DMTF1: variants seen among roughly 807,000 people sequenced by gnomAD.
DMTF1 encodes the protein cyclin-D-binding Myb-like transcription factor 1.
Under a neutral mutation model 91.1 loss-of-function variants are expected in DMTF1, and 39 were observed. That is an observed-to-expected ratio of 0.43 (90% CI 0.33 to 0.56). The LOEUF is 0.56. Ranked by LOEUF, DMTF1 falls within the 20% of genes least tolerant of loss-of-function variation. The pLI, the probability that DMTF1 is intolerant of heterozygous loss-of-function variation, is 0.05. For missense variants in DMTF1, 750 were observed against 914.5 expected, an observed-to-expected ratio of 0.82 and a Z score of 2.32; for synonymous variants, 338 against 309.5, an observed-to-expected ratio of 1.09 and a Z score of -0.97.
chr7:87,164,914 T>A lies in DMTF1; in HGVS notation c.-8-20T>A. The stretch of plus-strand genomic sequence containing the variant: ...GGGAATAATTTTTGAAATCCTGATC[T>A]GGAATCTGTTCTTGTACAGATTTGA... On this transcript the variant is annotated intron_variant, in intron 2 of 17. Coordinates refer to ENST00000331242, the MANE Select transcript of DMTF1 (RefSeq NM_001142327.2). 1 of 1,455,994 alleles carries A rather than the reference T, an allele frequency of 6.9e-7. No homozygotes were observed. Among genetic ancestry groups the A allele is most frequent in the Non-Finnish European group, 9.4e-7 (1 of 1,064,696 alleles). 90.2% of individuals were successfully genotyped at this position (1,455,994 alleles called of 1,614,324 possible).
chr7:87,162,472 A>G (rs1052363025), intron 1 of DMTF1, among the ~76,000 whole-genome samples: 9 of 152,212 alleles, frequency 5.9e-5, no homozygotes, highest in Non-Finnish European at 8.8e-5. Context: ...ACAATACACT[A>G]TAATCACAGA....
At chr7:87,193,418 C>T in intron 15 of DMTF1, 65 bp downstream of exon 15, 1 of 1,525,956 alleles carries the variant, frequency 6.6e-7, no homozygotes. Context: ...TGATAAGGAC[C>T]AAAATAGAAG....
chr7:87,174,442 T>C lies in DMTF1; in HGVS notation c.443-151T>C, dbSNP rs1292542454. On this transcript the variant is annotated intron_variant, in intron 6 of 17. Coordinates refer to ENST00000331242, the MANE Select transcript of DMTF1 (RefSeq NM_001142327.2). ...AAACCAGAAGTTACAAAAGCAAGTT[T>C]ACCTAGAGACCTTTCAGATTTCAGA... The C allele has an allele frequency of 1.3e-5, 7 of 556,662 alleles. No individual in the cohort carries two copies. In the East Asian group the frequency reaches 2.1e-4, roughly 17 times the overall value. 34.5% of individuals were successfully genotyped at this position (556,662 alleles called of 1,614,324 possible). A position where few individuals can be genotyped will look rare whatever the true frequency, so the allele number is the denominator to read the frequency against.
intron 1 of DMTF1, among the ~76,000 whole-genome samples, chr7:87,161,911 A>G (rs1792531436): frequency 6.6e-6 from 1 of 152,242 alleles, no homozygotes; most frequent in African/African-American, 2.4e-5. Context: ...ATATTGCAGT[A>G]TGATTGAAAA....
At chr7:87,167,309 A>G (rs1794053348) in intron 4 of DMTF1, among the ~76,000 whole-genome samples, 2 of 152,202 alleles carry the variant, frequency 1.3e-5, no homozygotes, top group Admixed American at 1.3e-4. Flanking sequence ...CAATATTTCA[A>G]GTGCAATACT....
Position 87,194,746 on chromosome 7 carries a change from TATC to T in DMTF1, c.2092_2094del (p.Ile698del), listed in dbSNP as rs748299334. On this transcript the variant is annotated inframe_deletion, in exon 17 of 18. Transcript: ENST00000331242. ...AAACAATTGATGATGAAACAATACTTATCGTTCCTTCACCACATGGCTTTATCC... is the reference window on the plus strand; with the variant it reads ...AAACAATTGATGATGAAACAATACTTGTTCCTTCACCACATGGCTTTATCC... 1.2e-6 allele frequency: 2 copies of T among 1,611,780 alleles called. No homozygotes were observed. Among genetic ancestry groups the T allele is most frequent in the South Asian group, 2.2e-5 (2 of 90,992 alleles).
chr7:87,183,185 T>C (rs1797727951), intron 10 of DMTF1, among the ~76,000 whole-genome samples: 1 of 152,244 alleles, frequency 6.6e-6, no homozygotes, highest in African/African-American at 2.4e-5. Flanking sequence ...TCTTTCCTGC[T>C]TAACTACTGC....
At chr7:87,157,837 A>G (rs1313970274) in intron 1 of DMTF1, among the ~76,000 whole-genome samples, 2 of 151,414 alleles carry the variant, frequency 1.3e-5, no homozygotes, top group African/African-American at 2.4e-5. Flanking sequence ...ACCACACTTA[A>G]GGTTATGTGT....
intron 12 of DMTF1, chr7:87,187,790 A>T (rs1350959556): frequency 2.8e-6 from 1 of 356,326 alleles, no homozygotes; most frequent in East Asian, 6.0e-5. Context: ...TAATCCTATC[A>T]AGACACCCTA....
intron 1 of DMTF1, among the ~76,000 whole-genome samples, chr7:87,159,613 T>C (rs1791707976): frequency 6.6e-6 from 1 of 152,224 alleles, no homozygotes; most frequent in South Asian, 2.1e-4. Context: ...TGTGTTTATT[T>C]TTCTTCTGTA....
In DMTF1 at chr7:87,195,132, T is replaced by C. The variant is rs781174642; in HGVS notation, c.2275T>C (p.Cys759Arg). Residue 759 changes from cysteine to arginine, a missense_variant, in exon 18 of 18, where the codon TGT becomes CGT. Coordinates refer to ENST00000331242, the MANE Select transcript of DMTF1 (RefSeq NM_001142327.2). The stretch of plus-strand genomic sequence containing the variant: ...AAAGGATGTCGAAGATTTGGTAAAC[T>C]GTCATTAGAATAATTCTTAGAAATA... ...DSKDVEDLVNCH is the reference protein window; with the variant it reads ...DSKDVEDLVNRH 24 of 1,606,508 alleles carry C rather than the reference T, an allele frequency of 1.5e-5. No homozygotes were observed. The Admixed American group carries it at 2.8e-4, about 19-fold the overall frequency.
intron 10 of DMTF1, among the ~76,000 whole-genome samples, chr7:87,183,828 A>G (rs1424150850): frequency 1.3e-5 from 2 of 152,216 alleles, no homozygotes; most frequent in Non-Finnish European, 2.9e-5. Context: ...ATAAAAGTAA[A>G]TACTTGTATC....
chr7:87,180,757 A>G (rs1007775800), intron 8 of DMTF1, among the ~76,000 whole-genome samples: 1 of 151,786 alleles, frequency 6.6e-6, no homozygotes, highest in African/African-American at 2.4e-5. Context: ...TTAAATGTTG[A>G]TTCTTTTTCT....
intron 1 of DMTF1, among the ~76,000 whole-genome samples, chr7:87,162,218 C>G (rs1443004907): frequency 6.6e-6 from 1 of 152,134 alleles, no homozygotes. Context: ...AGATTATAGG[C>G]ATACACCACC....
intron 13 of DMTF1, among the ~76,000 whole-genome samples, chr7:87,189,379 C>T (rs997168587): frequency 2.0e-5 from 3 of 152,028 alleles, no homozygotes; most frequent in Non-Finnish European, 4.4e-5. Context: ...GATTTCTTTT[C>T]GTTTTTGTTA....
At chr7:87,162,635 T>TA (rs1317336466) in intron 1 of DMTF1, among the ~76,000 whole-genome samples, 5 of 152,178 alleles carry the variant, frequency 3.3e-5, no homozygotes, top group African/African-American at 7.2e-5. Context: ...AGCCAGCCTT[T>TA]AAAAAATTAA....
At chr7:87,188,427 T>TA (rs1798960251) in intron 13 of DMTF1, 126 bp downstream of exon 13, 2 of 948,984 alleles carry the variant, frequency 2.1e-6, no homozygotes, top group African/African-American at 3.3e-5. Flanking sequence ...GAAGGACATC[T>TA]AAGATATTTT....
At chr7:87,180,454 C>T (rs536634887) in intron 8 of DMTF1, among the ~76,000 whole-genome samples, 1 of 152,134 alleles carries the variant, frequency 6.6e-6, no homozygotes, top group East Asian at 1.9e-4. Context: ...AAGTGAGCAG[C>T]GTTTCATAAT....
At chr7:87,184,313 C>G in intron 10 of DMTF1, 84 bp from the exon 11 acceptor site, 8 of 1,270,772 alleles carry the variant, frequency 6.3e-6, no homozygotes, top group South Asian at 1.3e-5. Flanking sequence ...TTGCTTACTT[C>G]CTATCAGTCC....
Sources: allele counts gnomAD v4.1 joint callset (sites outside exome capture counted in the v4.1 genomes callset), GRCh38; gene constraint gnomAD v4.1.1; transcripts MANE v1.5; gene names NCBI Gene and HGNC (gene_info 2026-07-23, HGNC 2026-07-21).